Variants in MARF1 observed in about 807,000 individuals in gnomAD.
MARF1 encodes the protein meiosis regulator and mRNA stability factor 1, also known as limkain-b1.
In MARF1, 24 loss-of-function variants were observed where a neutral mutation model predicts 168.2. The observed-to-expected ratio is 0.14, with a 90% confidence interval of 0.10 to 0.20. The LOEUF (loss-of-function observed/expected upper bound fraction) is 0.20, where lower values mean the gene tolerates loss of function less well. Among genes scored for constraint, MARF1 ranks in the 10% least tolerant of loss-of-function variants. MARF1 has a pLI of 1.00. For synonymous variants in MARF1, 868 were observed against 822.4 expected, an observed-to-expected ratio of 1.06 and a Z score of -0.95; for missense variants, 1,744 against 2,143.6, an observed-to-expected ratio of 0.81 and a Z score of 3.68.
Position 15,596,593 on chromosome 16 carries a change from G to A in MARF1, c.*100C>T. The A allele has an allele frequency of 3.2e-6, 4 of 1,254,286 alleles. No individual in the cohort carries two copies. The highest frequency in any genetic ancestry group is 3.8e-5 in the South Asian group (2 of 52,824). 77.7% of individuals were successfully genotyped at this position (1,254,286 alleles called of 1,614,324 possible). On this transcript the variant is annotated 3_prime_UTR_variant, in exon 27 of 27. Coordinates refer to ENST00000396368, the MANE Select transcript of MARF1 (RefSeq NM_014647.4). ...GTAAGATGAAGTCAATGGCTTCGGG[G>A]GGTTTTCATGACACAGAAAAGGATG...
At chr16:15,601,840 C>A (rs2151032956) in intron 23 of MARF1, 151 bp downstream of exon 23, 1 of 697,112 alleles carries the variant, frequency 1.4e-6, no homozygotes, top group Non-Finnish European at 2.5e-6. Context: ...ATGCTAAAAT[C>A]ATTTACTTTA....
intron 11 of MARF1, among the ~76,000 whole-genome samples, chr16:15,622,123 C>T (rs1341174141): frequency 2.0e-5 from 3 of 152,148 alleles, no homozygotes; most frequent in African/African-American, 7.2e-5. Context: ...TGCCTGTGTG[C>T]TCTGGCACAC....
At position 15,633,693 on chromosome 16, in the gene MARF1, C is replaced by T; in HGVS notation, c.1157G>A (p.Arg386Lys). The T allele has an allele frequency of 6.2e-7, 1 of 1,614,002 alleles. No individual in the cohort carries two copies. Among genetic ancestry groups the T allele is most frequent in the South Asian group, 1.1e-5 (1 of 91,066 alleles). The part of the protein sequence containing the change: ...RIREKFFKGH[R>K]EAEFICVCDI... ...ACATACACAGATGAATTCTGCTTCT[C>T]TGTGGCCTTTAAAAAACTTCTCACG... The change falls in exon 5 of 27, where the codon AGA (arginine) becomes AAA (lysine). Residue 386 changes from arginine (R) to lysine (K), a missense_variant. Physicochemically the swap from Arg to Lys is conservative, Grantham distance 26. This residue lies in a region of MARF1 where 217 missense variants were observed against 372.4 expected (regional missense o/e 0.58). Coordinates refer to ENST00000396368, the MANE Select transcript of MARF1 (RefSeq NM_014647.4).
intron 7 of MARF1, among the ~76,000 whole-genome samples, chr16:15,626,437 T>C (rs774160793): frequency 6.6e-5 from 10 of 152,218 alleles, no homozygotes; most frequent in Non-Finnish European, 1.2e-4. Context: ...TGCTGAATAA[T>C]AACTTATAGA....
chr16:15,632,995 A>G (rs926342226), intron 5 of MARF1, among the ~76,000 whole-genome samples: 2 of 152,180 alleles, frequency 1.3e-5, no homozygotes, highest in South Asian at 2.1e-4. Flanking sequence ...TAATACATAT[A>G]TAACCATTAT....
intron 18 of MARF1, among the ~76,000 whole-genome samples, 197 bp downstream of exon 18, chr16:15,611,395 C>T (rs1185177361): frequency 7.2e-6 from 1 of 138,856 alleles, no homozygotes; most frequent in Non-Finnish European, 1.5e-5. Context: ...GGAGGCGGAG[C>T]TTGCAGTGAG....
chr16:15,606,133 G>A (rs995604174), intron 21 of MARF1: 1 of 152,278 alleles, frequency 6.6e-6, no homozygotes, highest in Non-Finnish European at 1.5e-5. Context: ...CTGCTGTTGG[G>A]GTGGGAGTGC....
At position 15,633,776 on chromosome 16, in the gene MARF1, A is replaced by G; in HGVS notation, c.1074T>C (p.Asp358=). Residue 358 remains aspartate (D), a synonymous_variant, in exon 5 of 27, where the codon GAT becomes GAC. Transcript: ENST00000396368. ...ENLPPIGVFW[D]IENCSVPSGR... Reference sequence around the variant, plus strand: ...CAGAGGGAACGGAGCAGTTTTCAATATCCCAAAAAACTCCAATGGGGGGTA... The same window carrying G: ...CAGAGGGAACGGAGCAGTTTTCAATGTCCCAAAAAACTCCAATGGGGGGTA... The G allele has an allele frequency of 6.2e-7, 1 of 1,614,094 alleles. No individual in the cohort carries two copies. Among genetic ancestry groups the G allele is most frequent in the Non-Finnish European group, 8.5e-7 (1 of 1,180,016 alleles).
chr16:15,611,488 C>T, intron 18 of MARF1, 104 bp downstream of exon 18: 2 of 1,004,522 alleles, frequency 2.0e-6, no homozygotes, highest in Non-Finnish European at 1.4e-6. Context: ...ACAAGTTTTC[C>T]AAAAGAATGC....
Position 15,631,498 on chromosome 16 carries a change from C to T in MARF1, c.1234G>A (p.Val412Ile), listed in dbSNP as rs759338114. The change falls in exon 6 of 27, where the codon GTA becomes ATA. Residue 412 changes from valine (V) to isoleucine (I), a missense_variant and splice_region_variant. Physicochemically the swap from Val to Ile is conservative, Grantham distance 29 (BLOSUM62 3). Transcript: ENST00000396368. ...GTAGCATTGATGTGGGCAACGGTTA[C>T]CTGCATTAATTTATAATAAGGGTGA... ...EVIQELNNCQ[V>I]TVAHINATAK... 37 of 1,603,758 alleles carry T rather than the reference C, an allele frequency of 2.3e-5. No individual in the cohort carries two copies. Among genetic ancestry groups the T allele is most frequent in the Non-Finnish European group, 2.9e-5 (34 of 1,171,732 alleles).
chr16:15,619,928 C>T (rs2034331731), intron 13 of MARF1, among the ~76,000 whole-genome samples: 1 of 152,180 alleles, frequency 6.6e-6, no homozygotes, highest in South Asian at 2.1e-4. Context: ...CTTTGGGAGG[C>T]TAAAGTGGGC....
At chr16:15,621,958 C>T (rs780254845) in intron 11 of MARF1, 47 bp from the exon 12 acceptor site, 2 of 1,572,270 alleles carry the variant, frequency 1.3e-6, no homozygotes, top group Non-Finnish European at 1.7e-6. Context: ...GCCCAGAACC[C>T]TGTCGTCTTA....
At chr16:15,614,262 C>T (rs1265991584) in intron 16 of MARF1, among the ~76,000 whole-genome samples, 5 of 151,216 alleles carry the variant, frequency 3.3e-5, no homozygotes, top group Admixed American at 3.3e-4. Context: ...GCGGGCGGAT[C>T]ACGAGGTCAG....
At chr16:15,600,922 G>C in intron 23 of MARF1, 1 of 701,490 alleles carries the variant, frequency 1.4e-6, no homozygotes, top group Non-Finnish European at 2.6e-6. Context: ...AAAATCATGA[G>C]ACACAGTTTC....
Position 15,594,929 on chromosome 16 carries a change from C to A in MARF1, c.*1764G>T, listed in dbSNP as rs1358978441. 1.3e-5 allele frequency: 2 copies of A among 152,546 alleles called. No individual in the cohort carries two copies. The highest frequency in any genetic ancestry group is 2.9e-5 in the Non-Finnish European group (2 of 68,024). The allele number at this position is 152,546 out of a possible 1,614,324, so 9.4% of individuals were successfully genotyped here. A position where few individuals can be genotyped will look rare whatever the true frequency, so the allele number is the denominator to read the frequency against. ...CTGTTCCAGGTGACTTGTAATGATACCTCTTACGGTTTTAAAGTCCACCAC... is the reference window on the plus strand; with the variant it reads ...CTGTTCCAGGTGACTTGTAATGATAACTCTTACGGTTTTAAAGTCCACCAC... On this transcript the variant is annotated 3_prime_UTR_variant, in exon 27 of 27. Transcript: ENST00000396368.
Position 15,595,547 on chromosome 16 carries a change from C to G in MARF1, c.*1146G>C, listed in dbSNP as rs937461209. On this transcript the variant is annotated 3_prime_UTR_variant, in exon 27 of 27. Transcript: ENST00000396368. ...CACCTCAGGCACCTAGAGAGGAAGGCCATTCCACACCAGACGCCACAAGAA... is the reference window on the plus strand; with the variant it reads ...CACCTCAGGCACCTAGAGAGGAAGGGCATTCCACACCAGACGCCACAAGAA... 1.3e-5 allele frequency: 2 copies of G among 152,614 alleles called. No individual in the cohort carries two copies. Among genetic ancestry groups the G allele is most frequent in the African/African-American group, 4.8e-5 (2 of 41,430 alleles). 9.5% of individuals were successfully genotyped at this position (152,614 alleles called of 1,614,324 possible). A position where few individuals can be genotyped will look rare whatever the true frequency, so the allele number is the denominator to read the frequency against.
Position 15,635,720 on chromosome 16 carries a change from T to C in MARF1, c.767A>G (p.His256Arg). The C allele has an allele frequency of 1.9e-6, 3 of 1,614,138 alleles. No homozygotes were observed. The highest frequency in any genetic ancestry group is 2.2e-5 in the South Asian group (2 of 91,078). ...LTPHLCTNSL[H>R]LNVVPPVCLK... ...ACAAACCGGAGGTACCACATTAAGGTGCAAAGAGTTGGTGCACAAGTGAGG... is the reference window on the plus strand; with the variant it reads ...ACAAACCGGAGGTACCACATTAAGGCGCAAAGAGTTGGTGCACAAGTGAGG... The change falls in exon 3 of 27, where the codon CAC (histidine) becomes CGC (arginine). Residue 256 changes from histidine to arginine, a missense_variant. This residue lies in a region of MARF1 where 318 missense variants were observed against 336.6 expected (regional missense o/e 0.94). Transcript: ENST00000396368.
intron 25 of MARF1, among the ~76,000 whole-genome samples, chr16:15,599,533 G>A (rs1006708021): frequency 3.3e-5 from 5 of 152,316 alleles, no homozygotes; most frequent in African/African-American, 7.2e-5. Flanking sequence ...CCAGGAGGGC[G>A]CTTCATAAAA....
chr16:15,611,446 C>CA (rs995305393), intron 18 of MARF1, 146 bp downstream of exon 18: 100,869 of 417,132 alleles, frequency 0.24, 3,125 homozygotes, highest in Admixed American at 0.29. Flanking sequence ...GACTCCGTCT[C>CA]AAAAAAAAAA....
Sources: gnomAD v4.1 joint callset for allele counts (sites outside exome capture counted in the v4.1 genomes callset) on GRCh38, gnomAD v4.1.1 for gene constraint, gnomAD v4.1.1 regional missense constraint, MANE v1.5 for transcripts, NCBI Gene and HGNC (gene_info 2026-07-23, HGNC 2026-07-21) for gene names.